SMYD3: variants seen among roughly 807,000 people sequenced by gnomAD.
The protein encoded by SMYD3 is histone-lysine N-methyltransferase SMYD3.
A neutral mutation model predicts 57.7 loss-of-function variants in SMYD3; 36 were observed. The observed-to-expected ratio is 0.62, with a 90% CI of 0.48 to 0.82. SMYD3 has a LOEUF of 0.82. Ranked by LOEUF, SMYD3 falls within the 40% of genes least tolerant of loss-of-function variation. The probability of loss-of-function intolerance (pLI) is 0.00; values close to 1 mark genes in which losing one functional copy is unlikely to be tolerated. For missense variants in SMYD3, 515 were observed against 538.8 expected (o/e 0.96, Z 0.44); for synonymous variants, 211 against 195.0 (o/e 1.08, Z -0.68).
intron 1 of SMYD3, among the ~76,000 whole-genome samples, chr1:246,408,285 T>C (rs1325564273): frequency 6.6e-6 from 1 of 152,326 alleles, no homozygotes; most frequent in South Asian, 2.1e-4. Context: ...TATTGCTATT[T>C]TGAAACTGTC....
chr1:246,189,612 G>A (rs959636077), intron 5 of SMYD3, among the ~76,000 whole-genome samples: 1 of 152,146 alleles, frequency 6.6e-6, no homozygotes, highest in East Asian at 1.9e-4. Context: ...TATACTCTGG[G>A]AGAAATTCTC....
At chr1:245,970,883 G>A (rs2058282336) in intron 5 of SMYD3, among the ~76,000 whole-genome samples, 1 of 152,204 alleles carries the variant, frequency 6.6e-6, no homozygotes, top group Admixed American at 6.5e-5. Flanking sequence ...GTGGAAGACA[G>A]TGTGGTGATT....
At chr1:246,162,026 G>T (rs1355865357) in intron 5 of SMYD3, among the ~76,000 whole-genome samples, 1 of 152,202 alleles carries the variant, frequency 6.6e-6, no homozygotes, top group Non-Finnish European at 1.5e-5. Flanking sequence ...AGAGCTGTGG[G>T]TTCAGTAAGT....
intron 5 of SMYD3, among the ~76,000 whole-genome samples, chr1:245,973,990 CATT>C (rs71792611): frequency 0.032 from 4,842 of 152,202 alleles, 263 homozygotes; most frequent in African/African-American, 0.11. Context: ...AAATCATCAT[CATT>C]AATACCTATG....
At chr1:246,139,685 C>A (rs1265312390) in intron 5 of SMYD3, among the ~76,000 whole-genome samples, 2 of 152,148 alleles carry the variant, frequency 1.3e-5, no homozygotes, top group Non-Finnish European at 2.9e-5. Flanking sequence ...GCTAATATTA[C>A]ACAGAAAATC....
chr1:246,025,685 C>G (rs1489710885), intron 5 of SMYD3, among the ~76,000 whole-genome samples: 1 of 152,142 alleles, frequency 6.6e-6, no homozygotes, highest in African/African-American at 2.4e-5. Flanking sequence ...AATGTACCCT[C>G]TTGATGAAGG....
chr1:246,110,147 T>C (rs1404455124), intron 5 of SMYD3, among the ~76,000 whole-genome samples: 1 of 152,172 alleles, frequency 6.6e-6, no homozygotes, highest in East Asian at 1.9e-4. Flanking sequence ...GAATGGAAAC[T>C]GTGAATTACA....
intron 8 of SMYD3, among the ~76,000 whole-genome samples, chr1:245,891,529 C>G (rs1389032118): frequency 6.6e-6 from 1 of 152,234 alleles, no homozygotes; most frequent in Non-Finnish European, 1.5e-5. Context: ...TGCAGTGCCA[C>G]TCATGCTGTC....
At chr1:246,098,596 T>C (rs1273524197) in intron 5 of SMYD3, among the ~76,000 whole-genome samples, 1 of 152,228 alleles carries the variant, frequency 6.6e-6, no homozygotes, top group Non-Finnish European at 1.5e-5. Flanking sequence ...TGACAAAATC[T>C]TAGAACTTTT....
At chr1:246,023,844 T>TGTGTGTGTGTGTGTGTG (rs1558159569) in intron 5 of SMYD3, among the ~76,000 whole-genome samples, 22 of 151,346 alleles carry the variant, frequency 1.5e-4, no homozygotes, top group East Asian at 1.9e-4. Context: ...TGTGTGTGTG[T>TGTGTGTGTGTGTGTGTG]TACTGAAAAA....
rs150890893 is a variant in SMYD3 at position 246,306,507 on chromosome 1, T to C, written c.531+20694A>G. ...AAATTATAATACCTTAACAGCATGG[T>C]GGAACCACTAACAGATATGGCTTTT... On this transcript the variant is annotated intron_variant, in intron 5 of 11. Coordinates refer to ENST00000490107, the MANE Select transcript of SMYD3 (RefSeq NM_001167740.2). 5.3e-3 allele frequency among the ~76,000 whole-genome samples: 804 copies of C among 152,324 alleles called. 5 individuals are homozygous for C. The highest frequency in any genetic ancestry group is 0.018 in the African/African-American group (737 of 41,578).
At chr1:245,796,074 T>G (rs1159317677) in intron 10 of SMYD3, among the ~76,000 whole-genome samples, 2 of 152,144 alleles carry the variant, frequency 1.3e-5, no homozygotes, top group African/African-American at 2.4e-5. Context: ...CCTACACCAC[T>G]AACATTGACA....
At chr1:246,018,898 C>T (rs1032069265) in intron 5 of SMYD3, among the ~76,000 whole-genome samples, 2 of 152,108 alleles carry the variant, frequency 1.3e-5, no homozygotes, top group African/African-American at 4.8e-5. Context: ...GCCACCATGC[C>T]CAGCAGATTT....
At chr1:246,315,507 T>C (rs886518610) in intron 5 of SMYD3, among the ~76,000 whole-genome samples, 1 of 152,170 alleles carries the variant, frequency 6.6e-6, no homozygotes. Flanking sequence ...AAGAGCAGTT[T>C]ACATATCATC....
At chr1:246,160,225 A>G (rs2062093307) in intron 5 of SMYD3, among the ~76,000 whole-genome samples, 2 of 152,226 alleles carry the variant, frequency 1.3e-5, no homozygotes, top group South Asian at 4.1e-4. Flanking sequence ...ACTCACATTT[A>G]TAGGAAGTGT....
At chr1:245,935,439 C>A (rs1273824446) in intron 5 of SMYD3, among the ~76,000 whole-genome samples, 1 of 152,168 alleles carries the variant, frequency 6.6e-6, no homozygotes, top group Non-Finnish European at 1.5e-5. Flanking sequence ...GGAATTCCTG[C>A]ACACTGGTGG....
intron 5 of SMYD3, among the ~76,000 whole-genome samples, chr1:246,280,093 T>C (rs1282425349): frequency 2.0e-5 from 3 of 152,180 alleles, no homozygotes; most frequent in African/African-American, 7.2e-5. Flanking sequence ...TCCACGAAGA[T>C]AACAAAGGAA....
At position 246,443,142 on chromosome 1, in the gene SMYD3, A is replaced by G. The variant is rs1323526096; in HGVS notation, c.164+63912T>C. On this transcript the variant is annotated intron_variant, in intron 1 of 11. Transcript: ENST00000490107. ...TTAAGTAACATTTTGGTTCACATATATACATGCCTAAGAAATTTTCCTCAA... is the reference window on the plus strand; with the variant it reads ...TTAAGTAACATTTTGGTTCACATATGTACATGCCTAAGAAATTTTCCTCAA... Among the ~76,000 whole-genome samples the G allele has an allele frequency of 2.6e-5, 4 of 152,312 alleles. No homozygotes were observed. In the South Asian group the frequency reaches 8.3e-4, roughly 32 times the overall value.
rs181928582 is a variant in SMYD3 at position 246,348,253 on chromosome 1, T to C, written c.228+6778A>G. Among the ~76,000 whole-genome samples, 825 of 151,300 alleles carry C rather than the reference T, an allele frequency of 5.5e-3. 4 individuals are homozygous for C. The highest frequency in any genetic ancestry group is 6.8e-3 in the Non-Finnish European group (464 of 67,768). On this transcript the variant is annotated intron_variant, in intron 2 of 11. Coordinates refer to ENST00000490107, the MANE Select transcript of SMYD3 (RefSeq NM_001167740.2). ...CAACATGGTGAAACCCTGTCTCTACTAAAAATACAAAAATTAGCCAGACAT... is the reference window on the plus strand; with the variant it reads ...CAACATGGTGAAACCCTGTCTCTACCAAAAATACAAAAATTAGCCAGACAT...
Sources: allele counts gnomAD v4.1 joint callset (sites outside exome capture counted in the v4.1 genomes callset), GRCh38; gene constraint gnomAD v4.1.1; transcripts MANE v1.5; gene names NCBI Gene and HGNC (gene_info 2026-07-23, HGNC 2026-07-21).